The following CCDC83 variants were observed in gnomAD, a reference collection of about 807,000 sequenced individuals.
The protein encoded by CCDC83 is coiled-coil domain containing 83.
In CCDC83, 54 loss-of-function variants were observed where a neutral mutation model predicts 50.1. That is an observed-to-expected ratio of 1.08 (90% CI 0.87 to 1.35). The LOEUF is 1.35. Among genes scored for constraint, CCDC83 ranks in the 40% most tolerant of loss-of-function variants. The probability of loss-of-function intolerance (pLI) is 0.00; values close to 1 mark genes in which losing one functional copy is unlikely to be tolerated. For missense variants in CCDC83, 518 were observed against 473.9 expected, an observed-to-expected ratio of 1.09 and a Z score of -0.86; for synonymous variants, 161 against 153.3, an observed-to-expected ratio of 1.05 and a Z score of -0.37.
chr11:85,917,194 G>A (rs866062820), intron 10 of CCDC83, among the ~76,000 whole-genome samples: 9 of 92,556 alleles, frequency 9.7e-5, no homozygotes, highest in African/African-American at 1.6e-4. Context: ...GAAAGAAAGA[G>A]AAAGAAAGAA....
intron 8 of CCDC83, chr11:85,912,544 C>T (rs1478048745): frequency 2.7e-6 from 2 of 727,554 alleles, no homozygotes; most frequent in Non-Finnish European, 2.5e-6. Flanking sequence ...AACTCCTGTA[C>T]TTCCAGTCTC....
chr11:85,880,700 T>TA (rs1313132764), intron 3 of CCDC83, among the ~76,000 whole-genome samples: 2 of 151,996 alleles, frequency 1.3e-5, no homozygotes, highest in African/African-American at 4.8e-5. Flanking sequence ...TTTCATCACA[T>TA]AAAAAATAAT....
intron 8 of CCDC83, among the ~76,000 whole-genome samples, chr11:85,912,311 T>C (rs1241676912): frequency 6.6e-6 from 1 of 152,222 alleles, no homozygotes; most frequent in Non-Finnish European, 1.5e-5. Context: ...ATAAACTTTC[T>C]ATTGTTTTCC....
chr11:85,905,391 G>A (rs1592187138), intron 7 of CCDC83, among the ~76,000 whole-genome samples: 1 of 147,128 alleles, frequency 6.8e-6, no homozygotes, highest in Non-Finnish European at 1.5e-5. Flanking sequence ...GCAGTGAGCC[G>A]AGATTGCGCC....
chr11:85,889,077 C>A (rs1015890762), intron 5 of CCDC83, among the ~76,000 whole-genome samples: 1 of 152,194 alleles, frequency 6.6e-6, no homozygotes, highest in African/African-American at 2.4e-5. Context: ...TTGGGCCAGG[C>A]GTGGTGTCTC....
intron 1 of CCDC83, among the ~76,000 whole-genome samples, chr11:85,863,112 C>T (rs950783925): frequency 6.6e-6 from 1 of 152,196 alleles, no homozygotes; most frequent in African/African-American, 2.4e-5. Context: ...AACCGTAACA[C>T]TTGATCTCTT....
intron 3 of CCDC83, among the ~76,000 whole-genome samples, chr11:85,878,480 C>A (rs1384080842): frequency 1.3e-5 from 2 of 152,226 alleles, no homozygotes; most frequent in African/African-American, 4.8e-5. Context: ...GCATAACTCT[C>A]TGGAGGTACA....
At chr11:85,912,472 G>A (rs144728959) in intron 8 of CCDC83, among the ~76,000 whole-genome samples, 1 of 152,292 alleles carries the variant, frequency 6.6e-6, no homozygotes, top group African/African-American at 2.4e-5. Context: ...ATTACTTTGT[G>A]TGCTTCAGAG....
chr11:85,912,238 G>A (rs1383645753), intron 8 of CCDC83, among the ~76,000 whole-genome samples: 8 of 152,118 alleles, frequency 5.3e-5, no homozygotes, highest in Non-Finnish European at 8.8e-5. Flanking sequence ...CACACAAGTA[G>A]TTCCTATTGT....
chr11:85,919,270 A>T (rs2093497393), intron 10 of CCDC83, 79 bp from the exon 11 acceptor site: 1 of 1,343,302 alleles, frequency 7.4e-7, no homozygotes, highest in Non-Finnish European at 1.0e-6. Context: ...GGCCAACTGT[A>T]ATAAAGAAAG....
chr11:85,872,197 C>T lies in CCDC83; in HGVS notation c.96-1014C>T, dbSNP rs190069532. 8.9e-4 allele frequency among the ~76,000 whole-genome samples: 136 copies of T among 152,240 alleles called. 1 individual carries two copies. The highest frequency in any genetic ancestry group is 3.0e-3 in the African/African-American group (123 of 41,580). ...GGAACTCCTGTCCTCAAGAGATCCA[C>T]CTGCTGGCCGGGCACGGTGGCTCAC... On this transcript the variant is annotated intron_variant, in intron 2 of 10. Coordinates refer to ENST00000342404, the MANE Select transcript of CCDC83 (RefSeq NM_001286159.2).
intron 7 of CCDC83, among the ~76,000 whole-genome samples, chr11:85,909,175 G>A (rs1285515350): frequency 6.6e-6 from 1 of 152,176 alleles, no homozygotes; most frequent in Non-Finnish European, 1.5e-5. Flanking sequence ...ATGTGATAGA[G>A]ATATGCATGT....
chr11:85,914,101 C>G (rs1311072382), intron 8 of CCDC83, among the ~76,000 whole-genome samples: 1 of 152,194 alleles, frequency 6.6e-6, no homozygotes, highest in East Asian at 1.9e-4. Context: ...CTTTACTAAA[C>G]TTACCTTAAC....
intron 10 of CCDC83, among the ~76,000 whole-genome samples, chr11:85,918,657 G>A (rs750432751): frequency 6.6e-6 from 1 of 152,062 alleles, no homozygotes; most frequent in Admixed American, 6.5e-5. Context: ...ACAGTACCTG[G>A]GAGAAAAAAA....
chr11:85,892,068 C>A (rs777779249), intron 5 of CCDC83, among the ~76,000 whole-genome samples: 3 of 152,160 alleles, frequency 2.0e-5, no homozygotes, highest in African/African-American at 7.2e-5. Flanking sequence ...CACAATGGAG[C>A]TATGTGACCC....
Position 85,895,288 on chromosome 11 carries a change from T to TA in CCDC83, c.512-2dup, listed in dbSNP as rs762880244. 5.4e-6 allele frequency: 3 copies of TA among 555,910 alleles called. No homozygotes were observed. Among genetic ancestry groups the TA allele is most frequent in the African/African-American group, 4.0e-5 (1 of 24,840 alleles). 34.4% of individuals were successfully genotyped at this position (555,910 alleles called of 1,614,324 possible). A position where few individuals can be genotyped will look rare whatever the true frequency, so the allele number is the denominator to read the frequency against. On this transcript the variant is annotated splice_region_variant and splice_polypyrimidine_tract_variant and intron_variant, in intron 5 of 10. Transcript: ENST00000342404. ...TCTTTTTTTTTTTTTTTTTTTTTTT[T>TA]AAAGAACACTATAAAATCACTCTGG...
intron 5 of CCDC83, among the ~76,000 whole-genome samples, chr11:85,889,724 TCTC>T (rs1256087149): frequency 7.9e-5 from 12 of 152,314 alleles, no homozygotes; most frequent in African/African-American, 2.2e-4. Flanking sequence ...TTCCTGGAAT[TCTC>T]CTCCAATGAT....
intron 10 of CCDC83, among the ~76,000 whole-genome samples, chr11:85,917,213 A>AGAAAGAAAGAAAGAAAGAAG (rs2093485242): frequency 3.6e-4 from 41 of 115,060 alleles, no homozygotes; most frequent in African/African-American, 1.3e-3. Context: ...AAAGAAGGAA[A>AGAAAGAAAGAAAGAAAGAAG]GAAAGAAAGA....
At chr11:85,874,411 G>A (rs1039427845) in intron 3 of CCDC83, among the ~76,000 whole-genome samples, 16 of 152,166 alleles carry the variant, frequency 1.1e-4, no homozygotes, top group African/African-American at 3.9e-4. Flanking sequence ...AACAAATCAG[G>A]ATTGAGTAAT....
Sources: allele counts gnomAD v4.1 joint callset (sites outside exome capture counted in the v4.1 genomes callset), GRCh38; gene constraint gnomAD v4.1.1; transcripts MANE v1.5; gene names NCBI Gene and HGNC (gene_info 2026-07-23, HGNC 2026-07-21).